The following URI1 variants were observed in gnomAD, a reference collection of about 807,000 sequenced individuals.
URI1 encodes the protein URI1 prefoldin like chaperone.
Under a neutral mutation model 60.2 loss-of-function variants are expected in URI1, and 39 were observed. The ratio of observed to expected loss-of-function variants is 0.65; its 90% confidence interval spans 0.50 to 0.85. The LOEUF (loss-of-function observed/expected upper bound fraction) is 0.85, where lower values mean the gene tolerates loss of function less well. Among genes scored for constraint, URI1 ranks in the 40% least tolerant of loss-of-function variants. The probability of loss-of-function intolerance (pLI) is 0.00; values close to 1 mark genes in which losing one functional copy is unlikely to be tolerated. For missense variants in URI1, 691 were observed against 665.9 expected, an observed-to-expected ratio of 1.04 and a Z score of -0.42; for synonymous variants, 251 against 236.8, an observed-to-expected ratio of 1.06 and a Z score of -0.55.
chr19:29,978,184 G>A (rs575522029), intron 2 of URI1, among the ~76,000 whole-genome samples: 1 of 152,258 alleles, frequency 6.6e-6, no homozygotes, highest in South Asian at 2.1e-4. Context: ...CAACCAGCTA[G>A]TTTAACGCAC....
chr19:29,945,023 T>C lies in URI1; in HGVS notation c.117+2359T>C, dbSNP rs78829607. ...AGTGTAGAAGGGGAAAATGTCATAG[T>C]AGCTTCATATGTGGCACTTAGTATT... On this transcript the variant is annotated intron_variant, in intron 1 of 10. Coordinates refer to ENST00000392271, the MANE Select transcript of URI1 (RefSeq NM_003796.3). Among the ~76,000 whole-genome samples, 61 of 152,360 alleles carry C rather than the reference T, an allele frequency of 4.0e-4. 1 individual carries two copies. The East Asian group carries it at 0.011, about 28-fold the overall frequency.
At position 30,015,202 on chromosome 19, in the gene URI1, C is replaced by T; in HGVS notation, c.*133C>T. ...TTACTTTGGCAACAAGTTCTTTTAC[C>T]CTTACCCGTGGTATTTGAAAAAAAT... is the stretch of plus-strand genomic sequence containing the variant. On this transcript the variant is annotated 3_prime_UTR_variant, in exon 11 of 11. Coordinates refer to ENST00000392271, the MANE Select transcript of URI1 (RefSeq NM_003796.3). The T allele has an allele frequency of 7.0e-7, 1 of 1,433,656 alleles. No homozygotes were observed. The highest frequency in any genetic ancestry group is 9.1e-7 in the Non-Finnish European group (1 of 1,096,126). 88.8% of individuals were successfully genotyped at this position (1,433,656 alleles called of 1,614,324 possible).
rs1193648880 is a variant in URI1, at chr19:29,942,647, C to T, written c.100C>T (p.Arg34Cys). 1.4e-6 allele frequency: 2 copies of T among 1,449,552 alleles called. No individual in the cohort carries two copies. The highest frequency in any genetic ancestry group is 1.8e-6 in the Non-Finnish European group (2 of 1,102,160). 89.8% of individuals were successfully genotyped at this position (1,449,552 alleles called of 1,614,324 possible). A position where few individuals can be genotyped will look rare whatever the true frequency, so the allele number is the denominator to read the frequency against. The change falls in exon 1 of 11, where the codon CGC (arginine) becomes TGC (cysteine). Residue 34 changes from arginine (R) to cysteine (C), a missense_variant. Physicochemically the swap from Arg to Cys is radical, Grantham distance 180 (BLOSUM62 -3). Transcript: ENST00000392271. ...GCGCGCCCCGGATGTGGCGCGGCTG[C>T]GCGAGGAGCAGGAAAAGGTAACTAG... ...PLRAPDVARL[R>C]EEQEKVVTNC...
At chr19:29,951,004 G>A (rs1451579112) in intron 1 of URI1, among the ~76,000 whole-genome samples, 2 of 152,192 alleles carry the variant, frequency 1.3e-5, no homozygotes, top group African/African-American at 4.8e-5. Flanking sequence ...GGTGGCACAA[G>A]CCTATAGTCC....
rs755985275 is a variant in URI1 at position 30,015,240 on chromosome 19, C to T, written c.*171C>T. The T allele has an allele frequency of 1.1e-5, 15 of 1,418,586 alleles. No homozygotes were observed. The highest frequency in any genetic ancestry group is 1.4e-5 in the Non-Finnish European group (15 of 1,090,830). The allele number at this position is 1,418,586 out of a possible 1,614,324, so 87.9% of individuals were successfully genotyped here. ...ATTTGAAAAAAATCAAGGTAACTGTCTGAATACTTTAATATCAGCTTGTTT... is the reference window on the plus strand; with the variant it reads ...ATTTGAAAAAAATCAAGGTAACTGTTTGAATACTTTAATATCAGCTTGTTT... On this transcript the variant is annotated 3_prime_UTR_variant, in exon 11 of 11. Coordinates refer to ENST00000392271, the MANE Select transcript of URI1 (RefSeq NM_003796.3).
At chr19:29,949,426 C>G (rs2055148814) in intron 1 of URI1, among the ~76,000 whole-genome samples, 3 of 148,348 alleles carry the variant, frequency 2.0e-5, no homozygotes, top group African/African-American at 7.5e-5. Context: ...ACTTCCCAGA[C>G]TGGGCAGCCG....
chr19:29,956,620 C>A (rs139184681), intron 1 of URI1: 2 of 1,497,214 alleles, frequency 1.3e-6, no homozygotes, highest in Admixed American at 1.7e-5. Context: ...CTGAACCCTG[C>A]GGATGTATTT....
At chr19:29,940,684 C>T (rs746820753), upstream of URI1, among the ~76,000 whole-genome samples, 9 of 152,058 alleles carry the variant, frequency 5.9e-5, no homozygotes, top group Non-Finnish European at 8.8e-5. Context: ...TCTGTTTGGA[C>T]GACATCGCAC....
intron 4 of URI1, among the ~76,000 whole-genome samples, chr19:30,004,746 T>TC (rs2055919276): frequency 6.6e-6 from 1 of 152,064 alleles, no homozygotes; most frequent in African/African-American, 2.4e-5. Flanking sequence ...GTTGCATTTG[T>TC]CCAGTATTGG....
Position 30,009,041 on chromosome 19 carries a change from G to A in URI1, c.723G>A (p.Thr241=). The change falls in exon 8 of 11, where the codon ACG becomes ACA. Residue 241 remains threonine, a synonymous_variant. Transcript: ENST00000392271. ...PDTVIANGED[T]TSSEEEKEDR... ...CTGTGATTGCAAATGGAGAAGATAC[G>A]ACATCTTCTGAAGAGGAAAAGGAAG... 6.2e-7 allele frequency: 1 copy of A among 1,612,890 alleles called. No individual in the cohort carries two copies. Among genetic ancestry groups the A allele is most frequent in the Non-Finnish European group, 8.5e-7 (1 of 1,179,310 alleles).
Position 30,009,296 on chromosome 19 carries a change from G to C in URI1, c.978G>C (p.Gly326=). 6.2e-7 allele frequency: 1 copy of C among 1,613,992 alleles called. No homozygotes were observed. Among genetic ancestry groups the C allele is most frequent in the Non-Finnish European group, 8.5e-7 (1 of 1,179,980 alleles). ...DDGDNDHEAL[G]VGDNSIPTIY... ...GTGATAACGACCATGAGGCTTTAGGGGTTGGAGATAATTCTATACCAACAA... is the reference window on the plus strand; with the variant it reads ...GTGATAACGACCATGAGGCTTTAGGCGTTGGAGATAATTCTATACCAACAA... The change falls in exon 8 of 11, where the codon GGG becomes GGC. Residue 326 remains glycine (G), a synonymous_variant. Transcript: ENST00000392271.
Position 30,001,688 on chromosome 19 carries a change from G to A in URI1, c.368-3673G>A, listed in dbSNP as rs192700177. On this transcript the variant is annotated intron_variant, in intron 4 of 10. Transcript: ENST00000392271. ...TTTTCCAGGTCCGATATCCCAGATC[G>A]ACTTGTAGTAGCTTTTCCCAGCCAC... 2.6e-5 allele frequency among the ~76,000 whole-genome samples: 4 copies of A among 151,864 alleles called. No individual in the cohort carries two copies. The East Asian group carries it at 5.8e-4, about 22-fold the overall frequency.
At chr19:30,011,547 A>T (rs1019174494) in intron 9 of URI1, among the ~76,000 whole-genome samples, 2 of 151,084 alleles carry the variant, frequency 1.3e-5, no homozygotes, top group Non-Finnish European at 2.9e-5. Flanking sequence ...CTAGGTCCCT[A>T]CGTTTCTACC....
At chr19:29,987,437 C>A (rs2055685928) in intron 4 of URI1, among the ~76,000 whole-genome samples, 1 of 152,110 alleles carries the variant, frequency 6.6e-6, no homozygotes, top group Non-Finnish European at 1.5e-5. Context: ...TCTTTTGTGA[C>A]ACTAATCAGA....
At chr19:29,974,307 A>T (rs916033736) in intron 2 of URI1, among the ~76,000 whole-genome samples, 3 of 152,310 alleles carry the variant, frequency 2.0e-5, no homozygotes, top group East Asian at 1.9e-4. Context: ...GACAAATAAA[A>T]AAAAAAGCCA....
At chr19:29,984,518 A>G (rs1004544405) in intron 2 of URI1, among the ~76,000 whole-genome samples, 1 of 152,104 alleles carries the variant, frequency 6.6e-6, no homozygotes, top group East Asian at 1.9e-4. Flanking sequence ...TAATTTTCAC[A>G]TTTTATTTGG....
chr19:29,939,601 G>C (rs962002534), upstream of URI1, among the ~76,000 whole-genome samples: 1 of 152,198 alleles, frequency 6.6e-6, no homozygotes, highest in Non-Finnish European at 1.5e-5. Flanking sequence ...AGTGTGATAA[G>C]TGCTACAAAG....
rs2055256678 is a variant in URI1 at position 29,956,968 on chromosome 19, A to G, written c.118-14225A>G. The stretch of plus-strand genomic sequence containing the variant: ...CATTTTCTGGAATGTCAACAGTCTG[A>G]TTGCTGAGAATGGTCTTCATTCTCA... On this transcript the variant is annotated intron_variant, in intron 1 of 10. Coordinates refer to ENST00000392271, the MANE Select transcript of URI1 (RefSeq NM_003796.3). 3 of 885,328 alleles carry G rather than the reference A, an allele frequency of 3.4e-6. No homozygotes were observed. The South Asian group carries it at 4.0e-5, about 12-fold the overall frequency. 54.8% of individuals were successfully genotyped at this position (885,328 alleles called of 1,614,324 possible). A position where few individuals can be genotyped will look rare whatever the true frequency, so the allele number is the denominator to read the frequency against.
intron 1 of URI1, among the ~76,000 whole-genome samples, chr19:29,963,248 AC>A (rs977738592): frequency 6.6e-6 from 1 of 152,130 alleles, no homozygotes; most frequent in African/African-American, 2.4e-5. Flanking sequence ...TCTTGCACTT[AC>A]ACTGTGTTTC....
Sources: allele counts gnomAD v4.1 joint callset (sites outside exome capture counted in the v4.1 genomes callset), GRCh38; gene constraint gnomAD v4.1.1; transcripts MANE v1.5; gene names NCBI Gene and HGNC (gene_info 2026-07-23, HGNC 2026-07-21).